Variants in TYW1 observed in about 807,000 individuals in gnomAD.
TYW1 encodes S-adenosyl-L-methionine-dependent tRNA 4-demethylwyosine synthase TYW1.
A neutral mutation model predicts 96.2 loss-of-function variants in TYW1; 46 were observed. The ratio of observed to expected loss-of-function variants is 0.48; its 90% CI spans 0.38 to 0.61. The LOEUF (loss-of-function observed/expected upper bound fraction) is 0.61. TYW1 is among the 20% of genes least tolerant of loss of function. The pLI is 0.00. For synonymous variants in TYW1, 274 were observed against 323.0 expected (o/e 0.85, Z 1.63); for missense variants, 684 against 909.6 (o/e 0.75, Z 3.19).
rs151211596 is a variant in TYW1 at position 67,018,127 on chromosome 7, A to G, written c.845A>G (p.His282Arg). 4,387 of 1,613,666 alleles carry G rather than the reference A, an allele frequency of 2.7e-3. 24 individuals carry two copies. The highest frequency in any genetic ancestry group is 0.018 in the Middle Eastern group (107 of 6,062). ...EEGSHEQDELHHRDTEEEEPF... is the reference protein window; with the variant it reads ...EEGSHEQDELRHRDTEEEEPF... ...GGATCTCATGAGCAGGATGAATTGC[A>G]TCATAGAGACACCGAGGTATACCGC... The change falls in exon 6 of 16, where the codon CAT (histidine) becomes CGT (arginine). Residue 282 changes from histidine (H) to arginine (R), a missense_variant. Transcript: ENST00000359626.
At chr7:67,071,820 C>T (rs1370217535) in intron 10 of TYW1, among the ~76,000 whole-genome samples, 5 of 152,130 alleles carry the variant, frequency 3.3e-5, no homozygotes, top group African/African-American at 9.7e-5. Flanking sequence ...CGGGGTTTCA[C>T]GGTGTTAGCC....
At chr7:67,118,411 A>G (rs1228248076) in intron 13 of TYW1, among the ~76,000 whole-genome samples, 1 of 152,132 alleles carries the variant, frequency 6.6e-6, no homozygotes, top group Non-Finnish European at 1.5e-5. Flanking sequence ...ACTTTAAATC[A>G]TCTCTACATT....
chr7:67,208,365 C>T (rs35399585), intron 15 of TYW1, among the ~76,000 whole-genome samples: 40,699 of 151,804 alleles, frequency 0.27, 5,807 homozygotes, highest in African/African-American at 0.36. Context: ...CATGATACCA[C>T]ATAATCCAAA....
chr7:67,152,484 C>A (rs1326454724), intron 13 of TYW1, among the ~76,000 whole-genome samples: 1 of 152,150 alleles, frequency 6.6e-6, no homozygotes, highest in Non-Finnish European at 1.5e-5. Flanking sequence ...TTTTGACAAT[C>A]TTGCTTGAGC....
intron 12 of TYW1, among the ~76,000 whole-genome samples, chr7:67,102,870 C>T (rs1298987055): frequency 2.6e-5 from 4 of 152,198 alleles, no homozygotes; most frequent in East Asian, 1.9e-4. Flanking sequence ...AGGATGGTCT[C>T]GATCTCCTGA....
At chr7:67,024,642 G>T (rs1413947231) in intron 6 of TYW1, among the ~76,000 whole-genome samples, 1 of 152,020 alleles carries the variant, frequency 6.6e-6, no homozygotes, top group Non-Finnish European at 1.5e-5. Flanking sequence ...TTAGCCAGGC[G>T]TGGTGGTAGG....
intron 11 of TYW1, chr7:67,089,567 G>A (rs1796652418): frequency 3.3e-6 from 2 of 599,228 alleles, no homozygotes; most frequent in Non-Finnish European, 5.9e-6. Context: ...CGTCTGTCCT[G>A]GGTCTGGTTC....
chr7:67,138,116 A>G (rs1798327457), intron 13 of TYW1, among the ~76,000 whole-genome samples: 1 of 152,140 alleles, frequency 6.6e-6, no homozygotes, highest in South Asian at 2.1e-4. Context: ...CACTTCACAG[A>G]GAGGAGCGAG....
rs553454753 is a variant in TYW1, at chr7:67,001,764, G to C, written c.273+2810G>C. Among the ~76,000 whole-genome samples the C allele has an allele frequency of 2.6e-5, 4 of 151,756 alleles. No homozygotes were observed. The South Asian group carries it at 8.3e-4, about 32-fold the overall frequency. On this transcript the variant is annotated intron_variant, in intron 3 of 15. Coordinates refer to ENST00000359626, the MANE Select transcript of TYW1 (RefSeq NM_018264.4). Reference sequence around the variant, plus strand: ...AGACAAGGTCTTGGCCTGGCGTGGTGGCTCATGCCTGTAATCTCAGCACTT... The same window carrying C: ...AGACAAGGTCTTGGCCTGGCGTGGTCGCTCATGCCTGTAATCTCAGCACTT...
At chr7:67,187,791 A>G (rs1047979784) in intron 14 of TYW1, among the ~76,000 whole-genome samples, 1 of 152,200 alleles carries the variant, frequency 6.6e-6, no homozygotes, top group Admixed American at 6.5e-5. Context: ...ACAGTGACCT[A>G]TTTGGGAGAA....
intron 12 of TYW1, among the ~76,000 whole-genome samples, chr7:67,101,434 A>G (rs143939134): frequency 1.5e-3 from 226 of 152,284 alleles, no homozygotes; most frequent in African/African-American, 5.2e-3. Flanking sequence ...AAAAAAGGTG[A>G]AAATATTTGC....
At chr7:67,007,192 T>A (rs1046581133) in intron 3 of TYW1, among the ~76,000 whole-genome samples, 1 of 152,014 alleles carries the variant, frequency 6.6e-6, no homozygotes, top group Non-Finnish European at 1.5e-5. Flanking sequence ...TGATTGGCCA[T>A]GAGCCAATTC....
chr7:67,238,413 G>T lies in TYW1; in HGVS notation c.2083G>T (p.Asp695Tyr). 2 of 1,613,854 alleles carry T rather than the reference G, an allele frequency of 1.2e-6. No homozygotes were observed. The highest frequency in any genetic ancestry group is 1.7e-6 in the Non-Finnish European group (2 of 1,179,860). The stretch of plus-strand genomic sequence containing the variant: ...TGGATCAAAAACGTTCAGCGCAAAG[G>T]ATTATATGGCCAGAACTCCTCACTG... ...SGGSKTFSAK[D>Y]YMARTPHWAL... Residue 695 changes from aspartate to tyrosine, a missense_variant, in exon 16 of 16, where the codon GAT (aspartate) becomes TAT (tyrosine). Coordinates refer to ENST00000359626, the MANE Select transcript of TYW1 (RefSeq NM_018264.4).
At position 67,061,092 on chromosome 7, in the gene TYW1, G is replaced by A. The variant is rs139798622; in HGVS notation, c.1155+5205G>A. On this transcript the variant is annotated intron_variant, in intron 9 of 15. Coordinates refer to ENST00000359626, the MANE Select transcript of TYW1 (RefSeq NM_018264.4). Reference sequence around the variant, plus strand: ...AAAATACAAAAGTTAGATGGGTGTGGTGGTGTGTGCCTGTAGTCTCAGCTA... The same window carrying A: ...AAAATACAAAAGTTAGATGGGTGTGATGGTGTGTGCCTGTAGTCTCAGCTA... Among the ~76,000 whole-genome samples, 19 of 152,266 alleles carry A rather than the reference G, an allele frequency of 1.2e-4. No individual in the cohort carries two copies. The East Asian group carries it at 3.5e-3, about 28-fold the overall frequency.
intron 7 of TYW1, among the ~76,000 whole-genome samples, chr7:67,029,382 C>CGT (rs67162571): frequency 0.019 from 2,042 of 106,740 alleles, 71 homozygotes; most frequent in South Asian, 0.042. Context: ...TGTGTGTGTG[C>CGT]GTGTGTGTGT....
chr7:67,148,375 G>A (rs1174988190), intron 13 of TYW1, among the ~76,000 whole-genome samples: 6 of 149,426 alleles, frequency 4.0e-5, no homozygotes, highest in Admixed American at 1.3e-4. Context: ...ACATGAGTCC[G>A]AGACTCCAAG....
chr7:67,218,212 C>A (rs1034607266), intron 15 of TYW1, among the ~76,000 whole-genome samples: 127 of 151,962 alleles, frequency 8.4e-4, no homozygotes, highest in African/African-American at 3.0e-3. Flanking sequence ...GGATGTATTT[C>A]TATTTATTTA....
intron 15 of TYW1, among the ~76,000 whole-genome samples, chr7:67,234,093 T>C (rs564782124): frequency 7.4e-6 from 1 of 135,306 alleles, no homozygotes; most frequent in East Asian, 2.0e-4. Flanking sequence ...ATGCCTATGA[T>C]CCTAGCATTT....
chr7:67,106,670 T>C (rs541206131), intron 12 of TYW1, among the ~76,000 whole-genome samples: 9 of 152,252 alleles, frequency 5.9e-5, no homozygotes, highest in Non-Finnish European at 1.3e-4. Context: ...TTGTAGTCAT[T>C]TGTAGACTCA....
Sources: allele counts gnomAD v4.1 joint callset (sites outside exome capture counted in the v4.1 genomes callset), GRCh38; gene constraint gnomAD v4.1.1; transcripts MANE v1.5; gene names NCBI Gene and HGNC (gene_info 2026-07-23, HGNC 2026-07-21).